The following CLYBL variants were observed in gnomAD, a reference collection of about 807,000 sequenced individuals.
CLYBL encodes the protein citramalyl-CoA lyase, mitochondrial.
CLYBL carries 31 observed loss-of-function variants against 38.9 expected under a neutral mutation model. The ratio of observed to expected loss-of-function variants is 0.80; its 90% CI spans 0.60 to 1.08. The LOEUF (loss-of-function observed/expected upper bound fraction) is 1.08, where lower values mean the gene tolerates loss of function less well. CLYBL is among the 50% of genes least tolerant of loss of function. The pLI is 0.00. For synonymous variants in CLYBL, 171 were observed against 158.6 expected (o/e 1.08, Z -0.59); for missense variants, 434 against 411.6 (o/e 1.05, Z -0.47).
At chr13:99,847,668 A>C (rs963855108) in intron 2 of CLYBL, among the ~76,000 whole-genome samples, 4 of 152,134 alleles carry the variant, frequency 2.6e-5, no homozygotes, top group Non-Finnish European at 5.9e-5. Context: ...TGAGAAACCC[A>C]CGTACAGATA....
intron 1 of CLYBL, among the ~76,000 whole-genome samples, chr13:99,615,911 G>A (rs1378936655): frequency 6.6e-6 from 1 of 152,136 alleles, no homozygotes; most frequent in Non-Finnish European, 1.5e-5. Flanking sequence ...TCAGCTCACT[G>A]CAACCTCTGC....
intron 7 of CLYBL, chr13:99,877,594 T>A (rs1566364465): frequency 4.0e-5 from 13 of 322,790 alleles, no homozygotes; most frequent in Non-Finnish European, 6.9e-5. Flanking sequence ...TTTTTTTTTT[T>A]AAGACAGTGT....
intron 1 of CLYBL, among the ~76,000 whole-genome samples, chr13:99,763,680 G>A (rs1252755336): frequency 1.3e-5 from 2 of 150,242 alleles, no homozygotes; most frequent in African/African-American, 4.9e-5. Flanking sequence ...TAAGCCTCCC[G>A]AATAGCTGGG....
intron 1 of CLYBL, among the ~76,000 whole-genome samples, chr13:99,769,318 C>A (rs1305649562): frequency 6.6e-6 from 1 of 152,014 alleles, no homozygotes; most frequent in Admixed American, 6.6e-5. Flanking sequence ...TCAATAGATT[C>A]CAAGTGGTTT....
intron 2 of CLYBL, among the ~76,000 whole-genome samples, chr13:99,846,439 T>C (rs1272138062): frequency 1.3e-5 from 2 of 152,146 alleles, no homozygotes; most frequent in Non-Finnish European, 2.9e-5. Flanking sequence ...TTAAAAATAG[T>C]TTGTGAAAAT....
At chr13:99,697,162 A>G (rs1261158574) in intron 1 of CLYBL, among the ~76,000 whole-genome samples, 3 of 152,116 alleles carry the variant, frequency 2.0e-5, no homozygotes, top group Non-Finnish European at 4.4e-5. Flanking sequence ...AGAGCCCCTG[A>G]ATTGTAGCAC....
At chr13:99,632,474 G>A (rs2046959419) in intron 1 of CLYBL, among the ~76,000 whole-genome samples, 1 of 152,242 alleles carries the variant, frequency 6.6e-6, no homozygotes, top group Non-Finnish European at 1.5e-5. Flanking sequence ...GGGCATTGTG[G>A]CTCATGCCTG....
At chr13:99,686,519 AG>A (rs2047820680) in intron 1 of CLYBL, among the ~76,000 whole-genome samples, 1 of 151,744 alleles carries the variant, frequency 6.6e-6, no homozygotes, top group African/African-American at 2.4e-5. Context: ...CAACAGAGAG[AG>A]AGAGAGAGAG....
chr13:99,618,352 C>T (rs1013087512), intron 1 of CLYBL, among the ~76,000 whole-genome samples: 2 of 152,060 alleles, frequency 1.3e-5, no homozygotes, highest in Non-Finnish European at 2.9e-5. Flanking sequence ...TCACTGCAAC[C>T]TCTGCCTCCT....
chr13:99,870,995 C>A lies in CLYBL; in HGVS notation c.860C>A (p.Ser287Tyr), dbSNP rs976491715. Residue 287 changes from serine (S) to tyrosine (Y), a missense_variant, in exon 7 of 9, where the codon TCC becomes TAC. Transcript: ENST00000339105. ...GTGGTCCAGGAGCAGTTTTCTCCTT[C>A]CCCTGAAAAAATTAAGTGGGCTGAA... is the stretch of plus-strand genomic sequence containing the variant. ...IAVVQEQFSP[S>Y]PEKIKWAEEL... is the part of the protein sequence containing the mutation. 1.2e-6 allele frequency: 2 copies of A among 1,613,744 alleles called. No homozygotes were observed. The highest frequency in any genetic ancestry group is 1.7e-6 in the Non-Finnish European group (2 of 1,179,816).
At chr13:99,709,197 A>G (rs902943768) in intron 1 of CLYBL, among the ~76,000 whole-genome samples, 12 of 152,192 alleles carry the variant, frequency 7.9e-5, no homozygotes, top group African/African-American at 2.7e-4. Context: ...AGACATGCAT[A>G]GAGGGACAAT....
At chr13:99,700,443 T>TCAAAA (rs1019081500) in intron 1 of CLYBL, among the ~76,000 whole-genome samples, 11 of 152,172 alleles carry the variant, frequency 7.2e-5, no homozygotes, top group South Asian at 2.1e-4. Flanking sequence ...AAACTCCATC[T>TCAAAA]CAAAACAAAA....
In CLYBL at chr13:99,680,547, C is replaced by G. The variant is rs200789515; in HGVS notation, c.62+73790C>G. On this transcript the variant is annotated intron_variant, in intron 1 of 8. Transcript: ENST00000339105. ...GGACTGGCCAGAGAAGAAAATAAAC[C>G]CCTCATCCTCAATCCAGAACCCAGA... Among the ~76,000 whole-genome samples, 7 of 152,198 alleles carry G rather than the reference C, an allele frequency of 4.6e-5. No individual in the cohort carries two copies. The East Asian group carries it at 1.4e-3, about 29-fold the overall frequency.
intron 1 of CLYBL, among the ~76,000 whole-genome samples, chr13:99,664,581 G>T (rs924750718): frequency 2.6e-5 from 4 of 152,086 alleles, no homozygotes; most frequent in Non-Finnish European, 5.9e-5. Flanking sequence ...TATAATCTTT[G>T]AATGAGTTCT....
chr13:99,811,683 C>G (rs1032969219), intron 2 of CLYBL, among the ~76,000 whole-genome samples: 1 of 152,194 alleles, frequency 6.6e-6, no homozygotes, highest in African/African-American at 2.4e-5. Flanking sequence ...CCCACACGAC[C>G]TCCAGCTGCC....
intron 1 of CLYBL, among the ~76,000 whole-genome samples, chr13:99,676,425 C>G (rs540904587): frequency 1.3e-5 from 2 of 150,952 alleles, no homozygotes; most frequent in Non-Finnish European, 2.9e-5. Context: ...CTTAGCCACT[C>G]GAGTAGCTGG....
At chr13:99,725,072 T>C (rs2048450701) in intron 1 of CLYBL, among the ~76,000 whole-genome samples, 1 of 152,252 alleles carries the variant, frequency 6.6e-6, no homozygotes, top group Non-Finnish European at 1.5e-5. Context: ...CTGCTGAGTA[T>C]TAGCATTTCT....
At position 99,870,997 on chromosome 13, in the gene CLYBL, C is replaced by T; in HGVS notation, c.862C>T (p.Pro288Ser). Reference protein sequence around the residue: ...AVVQEQFSPSPEKIKWAEELI... With the variant: ...AVVQEQFSPSSEKIKWAEELI... ...GGTCCAGGAGCAGTTTTCTCCTTCC[C>T]CTGAAAAAATTAAGTGGGCTGAAGA... The change falls in exon 7 of 9, where the codon CCT (proline) becomes TCT (serine). Residue 288 changes from proline (P) to serine (S), a missense_variant. Physicochemically the swap from Pro to Ser is moderately conservative, Grantham distance 74. Coordinates refer to ENST00000339105, the MANE Select transcript of CLYBL (RefSeq NM_206808.5). 1 of 1,613,652 alleles carries T rather than the reference C, an allele frequency of 6.2e-7. No individual in the cohort carries two copies. The highest frequency in any genetic ancestry group is 2.2e-5 in the East Asian group (1 of 44,858).
At chr13:99,626,404 T>C (rs1356092127) in intron 1 of CLYBL, among the ~76,000 whole-genome samples, 4 of 152,238 alleles carry the variant, frequency 2.6e-5, no homozygotes, top group African/African-American at 4.8e-5. Flanking sequence ...ATTTACATCC[T>C]ATTGGCAACA....
Sources: gnomAD v4.1 joint callset for allele counts (sites outside exome capture counted in the v4.1 genomes callset) on GRCh38, gnomAD v4.1.1 for gene constraint, MANE v1.5 for transcripts, NCBI Gene and HGNC (gene_info 2026-07-23, HGNC 2026-07-21) for gene names.